Variants in GRXCR2 observed in about 807,000 individuals in gnomAD.
The protein encoded by GRXCR2 is glutaredoxin domain-containing cysteine-rich protein 2.
A neutral mutation model predicts 24.8 loss-of-function variants in GRXCR2; 23 were observed. That is an observed-to-expected ratio of 0.93 (90% confidence interval 0.67 to 1.32). The LOEUF (loss-of-function observed/expected upper bound fraction) is 1.32, where lower values mean the gene tolerates loss of function less well. Ranked by LOEUF, GRXCR2 falls within the 40% of genes most tolerant of loss-of-function variation. GRXCR2 has a pLI of 0.00. For synonymous variants in GRXCR2, 130 were observed against 116.1 expected (o/e 1.12, Z -0.77); for missense variants, 315 against 303.4 (o/e 1.04, Z -0.28).
rs560835251 is a variant in GRXCR2 at position 145,901,915 on chromosome 5, T to C, written c.-70+33786A>G. ...TGTCTCAAGATCAGGAAGGGAGCTG[T>C]GGAGGTAATGAGAAGTAGGCAGATT... On this transcript the variant is annotated intron_variant, in intron 2 of 3. Transcript: ENST00000639411. Among the ~76,000 whole-genome samples the C allele has an allele frequency of 4.6e-5, 7 of 152,196 alleles. No homozygotes were observed. In the South Asian group the frequency reaches 1.5e-3, roughly 32 times the overall value.
chr5:145,866,369 A>G, intron 2 of GRXCR2, 132 bp downstream of exon 2: 1 of 621,336 alleles, frequency 1.6e-6, no homozygotes. Context: ...AAAATTCCTC[A>G]TATCTTCAAG....
chr5:145,931,191 T>C (rs1757472526), intron 2 of GRXCR2, among the ~76,000 whole-genome samples: 1 of 152,070 alleles, frequency 6.6e-6, no homozygotes, highest in Admixed American at 6.6e-5. Context: ...GCCACCATAC[T>C]CAGTTAATTT....
At chr5:145,878,365 G>A (rs1004745088) in intron 2 of GRXCR2, among the ~76,000 whole-genome samples, 1 of 152,140 alleles carries the variant, frequency 6.6e-6, no homozygotes, top group South Asian at 2.1e-4. Context: ...ACCTGATGGA[G>A]CTGAAAACCA....
chr5:145,888,328 C>T (rs988696080), intron 2 of GRXCR2, among the ~76,000 whole-genome samples: 1 of 152,146 alleles, frequency 6.6e-6, no homozygotes, highest in African/African-American at 2.4e-5. Context: ...GACAGGGCTA[C>T]AGCAGCAACC....
intron 2 of GRXCR2, among the ~76,000 whole-genome samples, chr5:145,917,007 T>C (rs1025403972): frequency 4.6e-5 from 7 of 151,742 alleles, no homozygotes; most frequent in Admixed American, 4.6e-4. Context: ...ATACAAATCA[T>C]GCATTTCAAC....
intron 2 of GRXCR2, among the ~76,000 whole-genome samples, chr5:145,878,672 A>T (rs1050360634): frequency 6.6e-6 from 1 of 152,188 alleles, no homozygotes; most frequent in Non-Finnish European, 1.5e-5. Context: ...GCAGGCCAAC[A>T]TTCAAATTCA....
intron 2 of GRXCR2, among the ~76,000 whole-genome samples, chr5:145,925,471 ACAG>A (rs1448493065): frequency 6.6e-6 from 1 of 152,198 alleles, no homozygotes; most frequent in East Asian, 1.9e-4. Context: ...ACAAAGGGTC[ACAG>A]AGCTGTTACT....
intron 2 of GRXCR2, among the ~76,000 whole-genome samples, chr5:145,905,130 A>C (rs916726517): frequency 6.6e-6 from 1 of 152,188 alleles, no homozygotes; most frequent in Admixed American, 6.5e-5. Flanking sequence ...ACCACCAATC[A>C]ACCAATAAAT....
chr5:145,876,601 T>C (rs550191672), upstream of GRXCR2, among the ~76,000 whole-genome samples: 21 of 152,302 alleles, frequency 1.4e-4, no homozygotes, highest in African/African-American at 4.6e-4. Context: ...GTAAACATTT[T>C]CAATTGCCCC....
chr5:145,899,230 T>G (rs559533598), intron 2 of GRXCR2, among the ~76,000 whole-genome samples: 2 of 151,822 alleles, frequency 1.3e-5, no homozygotes, highest in Non-Finnish European at 2.9e-5. Context: ...CAAAAAGAAC[T>G]AAAAACACTG....
At chr5:145,917,036 C>T (rs553428955) in intron 2 of GRXCR2, among the ~76,000 whole-genome samples, 5 of 151,416 alleles carry the variant, frequency 3.3e-5, no homozygotes, top group African/African-American at 1.2e-4. Flanking sequence ...CAATGGGAGC[C>T]ATTGCCAGAT....
At position 145,927,412 on chromosome 5, in the gene GRXCR2, T is replaced by C. The variant is rs1266429812; in HGVS notation, c.-70+8289A>G. ...TTTTGAGATATGTCCCATCAATAAC[T>C]AATTTATTGAGAGTTTTTAGCATGA... On this transcript the variant is annotated intron_variant, in intron 2 of 3. Coordinates refer to the GRXCR2 transcript ENST00000639411. Among the ~76,000 whole-genome samples the C allele has an allele frequency of 3.3e-5, 5 of 152,208 alleles. No individual in the cohort carries two copies. In the East Asian group the frequency reaches 9.6e-4, roughly 29 times the overall value.
In GRXCR2 at chr5:145,925,647, G is replaced by A. The variant is rs145907360; in HGVS notation, c.-70+10054C>T. ...GACACAAATTAATGACACAGACATG[G>A]TTCCTGCACCATGGGATGTAGATTG... is the stretch of plus-strand genomic sequence containing the variant. On this transcript the variant is annotated intron_variant, in intron 2 of 3. Coordinates refer to the GRXCR2 transcript ENST00000639411. Among the ~76,000 whole-genome samples the A allele has an allele frequency of 3.1e-3, 466 of 152,198 alleles. 4 individuals carry two copies. The highest frequency in any genetic ancestry group is 0.011 in the African/African-American group (441 of 41,540).
At chr5:145,878,394 A>G (rs1014971436) in intron 2 of GRXCR2, among the ~76,000 whole-genome samples, 4 of 152,246 alleles carry the variant, frequency 2.6e-5, no homozygotes, top group Non-Finnish European at 5.9e-5. Context: ...GAACTTCATG[A>G]CACATGCACA....
Position 145,929,198 on chromosome 5 carries a change from CCTATATAT to C in GRXCR2, c.-70+6495_-70+6502del, listed in dbSNP as rs988437187. Among the ~76,000 whole-genome samples the C allele has an allele frequency of 3.7e-4, 33 of 88,386 alleles. 2 individuals carry two copies. Among genetic ancestry groups the C allele is most frequent in the South Asian group, 2.8e-3 (7 of 2,484 alleles). The allele number at this position is 88,386 out of a possible 152,430, so 58.0% of individuals were successfully genotyped here. A position where few individuals can be genotyped will look rare whatever the true frequency, so the allele number is the denominator to read the frequency against. ...TTTTAATAGTTGTATAATATTCCCC[CCTATATAT>C]ATATATATATATATATATCACCATT... On this transcript the variant is annotated intron_variant, in intron 2 of 3. Transcript: ENST00000639411.
intron 1 of GRXCR2, among the ~76,000 whole-genome samples, chr5:145,869,809 A>G (rs440473): frequency 0.021 from 3,162 of 152,098 alleles, 109 homozygotes; most frequent in African/African-American, 0.073. Flanking sequence ...TGCCCTCCTC[A>G]GTCTCCCCAA....
upstream of GRXCR2, among the ~76,000 whole-genome samples, chr5:145,873,677 A>G (rs1460938192): frequency 9.9e-5 from 15 of 152,238 alleles, no homozygotes; most frequent in Admixed American, 7.9e-4. Context: ...GCTGCTGCTA[A>G]GAACAGGAGA....
At chr5:145,871,928 G>A (rs1376977259) in intron 1 of GRXCR2, among the ~76,000 whole-genome samples, 2 of 152,172 alleles carry the variant, frequency 1.3e-5, no homozygotes, top group East Asian at 3.9e-4. Context: ...GGATACCAGT[G>A]TATGTTTTCC....
intron 2 of GRXCR2, among the ~76,000 whole-genome samples, chr5:145,881,391 C>T (rs1756698761): frequency 6.6e-6 from 1 of 152,132 alleles, no homozygotes; most frequent in East Asian, 1.9e-4. Context: ...CAATAACAGA[C>T]AGAGAGCCAA....
Sources: allele counts gnomAD v4.1 joint callset (sites outside exome capture counted in the v4.1 genomes callset), GRCh38; gene constraint gnomAD v4.1.1; transcripts MANE v1.5; gene names NCBI Gene and HGNC (gene_info 2026-07-23, HGNC 2026-07-21).